TEAD4: variants seen among roughly 807,000 people sequenced by gnomAD.
TEAD4 encodes transcriptional enhancer factor TEF-3.
Under a neutral mutation model 52.4 loss-of-function variants are expected in TEAD4, and 36 were observed. That is an observed-to-expected ratio of 0.69 (90% confidence interval 0.53 to 0.91). The LOEUF (loss-of-function observed/expected upper bound fraction) is 0.91, where lower values mean the gene tolerates loss of function less well. Ranked by LOEUF, TEAD4 falls within the 40% of genes least tolerant of loss-of-function variation. The pLI, the probability that TEAD4 is intolerant of heterozygous loss-of-function variation, is 0.00. For synonymous variants in TEAD4, 220 were observed against 231.0 expected (o/e 0.95, Z 0.43); for missense variants, 508 against 583.9 (o/e 0.87, Z 1.34).
intron 2 of TEAD4, among the ~76,000 whole-genome samples, chr12:2,992,392 C>G (rs979735908): frequency 6.6e-6 from 1 of 152,118 alleles, no homozygotes; most frequent in African/African-American, 2.4e-5. Context: ...TTGCCAAGCT[C>G]CTTTTGACCT....
chr12:2,974,969 C>T (rs998691416), intron 2 of TEAD4, among the ~76,000 whole-genome samples: 2 of 152,092 alleles, frequency 1.3e-5, no homozygotes, highest in African/African-American at 2.4e-5. Flanking sequence ...TCCTAGGACA[C>T]GCCTCCTTAA....
Position 2,965,633 on chromosome 12 carries a change from G to C in TEAD4, c.-30+5593G>C, listed in dbSNP as rs1190851973. Among the ~76,000 whole-genome samples, 3 of 152,114 alleles carry C rather than the reference G, an allele frequency of 2.0e-5. No homozygotes were observed. In the East Asian group the frequency reaches 5.8e-4, roughly 29 times the overall value. On this transcript the variant is annotated intron_variant, in intron 2 of 12. Coordinates refer to ENST00000359864, the MANE Select transcript of TEAD4 (RefSeq NM_003213.4). The stretch of plus-strand genomic sequence containing the variant: ...GTGGGGTGATCTTGGCTCACTGCAA[G>C]CTCCGCCTCCCGGGTTCACTCCATT...
intron 2 of TEAD4, among the ~76,000 whole-genome samples, chr12:2,963,971 C>G (rs1423946826): frequency 6.6e-6 from 1 of 151,950 alleles, no homozygotes; most frequent in Non-Finnish European, 1.5e-5. Context: ...TCACCAGGGG[C>G]AGGAAATGGG....
intron 5 of TEAD4, among the ~76,000 whole-genome samples, chr12:3,015,195 G>GTTCCTA (rs1277078558): frequency 6.6e-6 from 1 of 152,140 alleles, no homozygotes; most frequent in Non-Finnish European, 1.5e-5. Context: ...ACTCGGAACA[G>GTTCCTA]TTCCCTACTC....
Position 2,959,807 on chromosome 12 carries a change from G to GCGCTCCGCTC in TEAD4, c.-122-131_-122-122dup, listed in dbSNP as rs979432740. On this transcript the variant is annotated intron_variant, in intron 1 of 12. Transcript: ENST00000359864. The surrounding 1 kb of genome is among the most constrained non-coding windows in gnomAD (Gnocchi z 5.1). ...ATTCTGGGAAAACTCCTCCCTCCGC[G>GCGCTCCGCTC]CGCTCCGCTCCGCTCCGCTGGGCGC... The GCGCTCCGCTC allele has an allele frequency of 2.0e-5, 3 of 151,286 alleles. No individual in the cohort carries two copies. Among genetic ancestry groups the GCGCTCCGCTC allele is most frequent in the South Asian group, 2.1e-4 (1 of 4,836 alleles). The allele number at this position is 151,286 out of a possible 1,614,324, so 9.4% of individuals were successfully genotyped here.
chr12:3,022,444 G>A (rs368908450), intron 10 of TEAD4, among the ~76,000 whole-genome samples: 160 of 152,318 alleles, frequency 1.1e-3, no homozygotes, highest in African/African-American at 3.6e-3. Flanking sequence ...CGCGTCCAAG[G>A]CATGTTGGGC....
At position 3,020,681 on chromosome 12, in the gene TEAD4, G is replaced by A. The variant is rs756183214; in HGVS notation, c.631G>A (p.Ala211Thr). The A allele has an allele frequency of 5.6e-6, 9 of 1,605,058 alleles. No individual in the cohort carries two copies. The South Asian group carries it at 7.8e-5, about 14-fold the overall frequency. ...CGCCCCATCGCCCTCTGCGCCCCCG[G>A]CACCCCCATGGCAGGGCCGCAGCGT... Residue 211 changes from alanine (A) to threonine (T), a missense_variant, in exon 9 of 13, where the codon GCA (alanine) becomes ACA (threonine). Coordinates refer to ENST00000359864, the MANE Select transcript of TEAD4 (RefSeq NM_003213.4).
intron 2 of TEAD4, among the ~76,000 whole-genome samples, chr12:2,974,200 G>C (rs540787622): frequency 4.6e-5 from 7 of 151,998 alleles, no homozygotes; most frequent in African/African-American, 7.2e-5. Context: ...TGGGAGTCTC[G>C]CCATGTTGGC....
At chr12:3,016,864 G>T in intron 5 of TEAD4, among the ~76,000 whole-genome samples, 1 of 152,152 alleles carries the variant, frequency 6.6e-6, no homozygotes, top group Non-Finnish European at 1.5e-5. Flanking sequence ...GCAGACAGTG[G>T]GTATTTACAC....
intron 2 of TEAD4, among the ~76,000 whole-genome samples, chr12:2,964,138 T>G (rs1251117751): frequency 2.0e-5 from 3 of 152,188 alleles, no homozygotes; most frequent in African/African-American, 7.2e-5. Context: ...TGACTCAGTG[T>G]GAAGCTAGAG....
At chr12:3,031,004 G>A (rs891502547) in intron 10 of TEAD4, among the ~76,000 whole-genome samples, 1 of 152,232 alleles carries the variant, frequency 6.6e-6, no homozygotes, top group Non-Finnish European at 1.5e-5. Context: ...CAGGCAAGAC[G>A]CATGTGCCTC....
At chr12:3,034,374 C>G (rs1335870904) in intron 10 of TEAD4, among the ~76,000 whole-genome samples, 1 of 152,154 alleles carries the variant, frequency 6.6e-6, no homozygotes, top group Non-Finnish European at 1.5e-5. Context: ...CGCCTGCAAC[C>G]TTGATTGAAG....
chr12:3,013,386 G>A (rs1025914464), intron 5 of TEAD4, among the ~76,000 whole-genome samples: 7 of 151,170 alleles, frequency 4.6e-5, no homozygotes, highest in South Asian at 4.2e-4. Context: ...CTCTCCTCCC[G>A]CGCATCCTTT....
intron 2 of TEAD4, 150 bp downstream of exon 2, chr12:2,960,190 G>A (rs923019239): frequency 1.6e-6 from 1 of 629,868 alleles, no homozygotes; most frequent in Non-Finnish European, 2.0e-6. Flanking sequence ...AGCGGCTCCA[G>A]GGGCGGGTAA....
intron 2 of TEAD4, among the ~76,000 whole-genome samples, chr12:2,989,595 C>T (rs1028636007): frequency 5.3e-5 from 8 of 152,072 alleles, no homozygotes; most frequent in East Asian, 1.9e-4. Flanking sequence ...CCCACCACCA[C>T]GCCCAGCTAA....
chr12:3,006,054 T>C (rs944028727), intron 3 of TEAD4, among the ~76,000 whole-genome samples: 2 of 152,168 alleles, frequency 1.3e-5, no homozygotes, highest in East Asian at 3.8e-4. Context: ...TCATGAAAAA[T>C]GATAAGTATT....
chr12:3,027,853 C>G (rs2098272994), intron 10 of TEAD4, among the ~76,000 whole-genome samples: 1 of 152,116 alleles, frequency 6.6e-6, no homozygotes, highest in Admixed American at 6.5e-5. Context: ...GGTGACAGAG[C>G]AAGATCCCAT....
At chr12:3,023,481 C>G (rs7969506) in intron 10 of TEAD4, among the ~76,000 whole-genome samples, 114,618 of 152,066 alleles carry the variant, frequency 0.75, 44,545 homozygotes, top group East Asian at 0.97. Context: ...ATACCAGGAG[C>G]CTTATTTAAC....
At chr12:3,019,897 A>T (rs2098267448) in intron 8 of TEAD4, among the ~76,000 whole-genome samples, 2 of 152,204 alleles carry the variant, frequency 1.3e-5, no homozygotes, top group African/African-American at 4.8e-5. Flanking sequence ...CCTCTGTCTC[A>T]TGCCAGTCTT....
Sources: gnomAD v4.1 joint callset for allele counts (sites outside exome capture counted in the v4.1 genomes callset) on GRCh38, gnomAD v4.1.1 for gene constraint, Gnocchi (gnomAD v3.1) non-coding constraint, MANE v1.5 for transcripts, NCBI Gene and HGNC (gene_info 2026-07-23, HGNC 2026-07-21) for gene names.